The following UBA2 variants were observed in gnomAD, a reference collection of about 807,000 sequenced individuals.
UBA2 encodes ubiquitin like modifier activating enzyme 2, also known as SUMO-activating enzyme subunit 2.
A neutral mutation model predicts 77.2 loss-of-function variants in UBA2; 11 were observed. The observed-to-expected ratio is 0.14, with a 90% CI of 0.09 to 0.24. The LOEUF (loss-of-function observed/expected upper bound fraction) is 0.24, where lower values mean the gene tolerates loss of function less well. Among genes scored for constraint, UBA2 ranks in the 10% least tolerant of loss-of-function variants. The pLI is 1.00. For missense variants in UBA2, 487 were observed against 781.7 expected, an observed-to-expected ratio of 0.62 and a Z score of 4.50; for synonymous variants, 278 against 276.7, an observed-to-expected ratio of 1.00 and a Z score of -0.05.
intron 5 of UBA2, 117 bp downstream of exon 5, chr19:34,435,085 C>T: frequency 1.4e-6 from 1 of 730,048 alleles, no homozygotes; most frequent in Non-Finnish European, 2.2e-6. Context: ...AATGTAAGGA[C>T]TTTTATGCTT....
intron 1 of UBA2, among the ~76,000 whole-genome samples, chr19:34,429,861 ATAGT>A (rs1183286084): frequency 2.0e-5 from 3 of 152,120 alleles, no homozygotes; most frequent in Non-Finnish European, 4.4e-5. Context: ...AGAACAGGGC[ATAGT>A]TAAATTTAAT....
chr19:34,449,927 CATTT>C (rs1429525030), intron 8 of UBA2, among the ~76,000 whole-genome samples: 1 of 152,106 alleles, frequency 6.6e-6, no homozygotes, highest in African/African-American at 2.4e-5. Flanking sequence ...ACATAATGTA[CATTT>C]ATTTGTATGA....
At chr19:34,440,580 T>C (rs955198576) in intron 6 of UBA2, among the ~76,000 whole-genome samples, 4 of 152,140 alleles carry the variant, frequency 2.6e-5, no homozygotes, top group African/African-American at 9.7e-5. Flanking sequence ...TAAGAAACAA[T>C]TGCTAGTCAG....
chr19:34,457,166 TAAAAAA>T (rs569078000), intron 12 of UBA2, among the ~76,000 whole-genome samples: 1 of 51,042 alleles, frequency 2.0e-5, no homozygotes, highest in African/African-American at 1.0e-4. Flanking sequence ...TGGTCTCTAC[TAAAAAA>T]AAAAAAAATA....
chr19:34,460,605 A>G, intron 14 of UBA2, 39 bp downstream of exon 14: 9 of 1,434,112 alleles, frequency 6.3e-6, no homozygotes, highest in African/African-American at 1.4e-5. Flanking sequence ...CTCATTGAGG[A>G]GACTGCTTGA....
intron 3 of UBA2, among the ~76,000 whole-genome samples, chr19:34,432,399 A>G (rs1337385447): frequency 6.6e-6 from 1 of 152,226 alleles, no homozygotes; most frequent in African/African-American, 2.4e-5. Context: ...GAGTAAATAT[A>G]TAATTTTGGA....
chr19:34,450,141 G>A (rs2075476502), intron 8 of UBA2, 124 bp from the exon 9 acceptor site: 2 of 624,742 alleles, frequency 3.2e-6, no homozygotes, highest in Non-Finnish European at 5.5e-6. Flanking sequence ...TTGTTATGCT[G>A]CTGGTATATG....
chr19:34,429,005 G>A (rs1460163984), intron 1 of UBA2: 1 of 985,466 alleles, frequency 1.0e-6, no homozygotes. Context: ...CAATGATAGC[G>A]ACCAACGCGT....
At chr19:34,437,254 G>A (rs1002357026) in intron 5 of UBA2, among the ~76,000 whole-genome samples, 1 of 150,266 alleles carries the variant, frequency 6.7e-6, no homozygotes, top group Non-Finnish European at 1.5e-5. Context: ...GAGCCACCAC[G>A]CCCGGCCAGA....
At chr19:34,441,074 A>C (rs1445786647) in intron 6 of UBA2, among the ~76,000 whole-genome samples, 1 of 152,214 alleles carries the variant, frequency 6.6e-6, no homozygotes, top group Non-Finnish European at 1.5e-5. Flanking sequence ...TTAAAGATAA[A>C]CTATATAGTT....
intron 10 of UBA2, among the ~76,000 whole-genome samples, chr19:34,453,819 A>G (rs1055596723): frequency 1.3e-5 from 2 of 152,108 alleles, no homozygotes; most frequent in African/African-American, 4.8e-5. Flanking sequence ...ATGAGCCACC[A>G]TGCCCAGCCT....
intron 2 of UBA2, among the ~76,000 whole-genome samples, chr19:34,430,938 C>T (rs2075246198): frequency 6.6e-6 from 1 of 152,088 alleles, no homozygotes; most frequent in South Asian, 2.1e-4. Context: ...TTCCTACACC[C>T]CCTAGAGGTT....
At chr19:34,439,777 G>T (rs1490196868) in intron 6 of UBA2, among the ~76,000 whole-genome samples, 1 of 152,048 alleles carries the variant, frequency 6.6e-6, no homozygotes, top group African/African-American at 2.4e-5. Context: ...CCGAGATAGT[G>T]CCACTGCACT....
In UBA2 at chr19:34,433,421, AT is replaced by A; in HGVS notation, c.358+13del. On this transcript the variant is annotated intron_variant, in intron 4 of 16. Transcript: ENST00000246548. ...TGCTTTAGATAACAGAGGTGAGGTT[AT>A]TTTAATACTTTTAATTTCTCAGTAT... The A allele has an allele frequency of 1.3e-6, 2 of 1,557,788 alleles. No homozygotes were observed. The highest frequency in any genetic ancestry group is 1.8e-6 in the Non-Finnish European group (2 of 1,134,008).
intron 9 of UBA2, 115 bp downstream of exon 9, chr19:34,450,479 C>A: frequency 3.2e-6 from 2 of 623,598 alleles, no homozygotes; most frequent in Non-Finnish European, 2.6e-6. Context: ...TCAAACAGTG[C>A]AAAAAAATAT....
chr19:34,448,047 C>A (rs1037149173), intron 8 of UBA2, among the ~76,000 whole-genome samples: 2 of 152,152 alleles, frequency 1.3e-5, no homozygotes, highest in Non-Finnish European at 2.9e-5. Flanking sequence ...CTTTCTAGGC[C>A]TTCTTAAGGA....
chr19:34,449,884 T>C (rs1211025244), intron 8 of UBA2, among the ~76,000 whole-genome samples: 1 of 152,200 alleles, frequency 6.6e-6, no homozygotes, highest in African/African-American at 2.4e-5. Context: ...CTAGGCTCAG[T>C]GATTGTCTGT....
In UBA2 at chr19:34,454,476, A is replaced by G; in HGVS notation, c.1165A>G (p.Thr389Ala). The G allele has an allele frequency of 6.2e-7, 1 of 1,605,580 alleles. No homozygotes were observed. The highest frequency in any genetic ancestry group is 8.5e-7 in the Non-Finnish European group (1 of 1,177,052). ...AGGGAACATTATTCCTGCTATTGCT[A>G]CTACTAATGCAGTAATTGCTGGGTT... ...MAGNIIPAIA[T>A]TNAVIAGLIV... is the part of the protein sequence containing the mutation. The change falls in exon 12 of 17, where the codon ACT (threonine) becomes GCT (alanine). Residue 389 changes from threonine (T) to alanine (A), a missense_variant. By Grantham distance (58) the Thr-to-Ala change is moderately conservative. Coordinates refer to ENST00000246548, the MANE Select transcript of UBA2 (RefSeq NM_005499.3).
intron 8 of UBA2, among the ~76,000 whole-genome samples, chr19:34,445,774 T>A (rs1433466916): frequency 6.6e-6 from 1 of 152,158 alleles, no homozygotes; most frequent in Non-Finnish European, 1.5e-5. Context: ...TATCTGCTAT[T>A]AGCAGTTTGA....
Sources: gnomAD v4.1 joint callset for allele counts (sites outside exome capture counted in the v4.1 genomes callset) on GRCh38, gnomAD v4.1.1 for gene constraint, MANE v1.5 for transcripts, NCBI Gene and HGNC (gene_info 2026-07-23, HGNC 2026-07-21) for gene names.